ACACB: variants seen among roughly 807,000 people sequenced by gnomAD.
ACACB encodes the protein acetyl-CoA carboxylase beta, also known as acetyl-CoA carboxylase 2.
Under a neutral mutation model 278.8 loss-of-function variants are expected in ACACB, and 209 were observed. That is an observed-to-expected ratio of 0.75 (90% CI 0.67 to 0.84). ACACB has a LOEUF of 0.84. ACACB is among the 40% of genes least tolerant of loss of function. The pLI, the probability that ACACB is intolerant of heterozygous loss-of-function variation, is 0.00. For missense variants in ACACB, 2,850 were observed against 3,269.0 expected (o/e 0.87, Z 3.13); for synonymous variants, 1,174 against 1,285.6 (o/e 0.91, Z 1.86).
rs771079880 is a variant in ACACB at position 109,242,461 on chromosome 12, A to G, written c.5047A>G (p.Lys1683Glu). ...GNIMFHSFGNKQGPQHGMLIN... is the reference protein window; with the variant it reads ...GNIMFHSFGNEQGPQHGMLIN... The stretch of plus-strand genomic sequence containing the variant: ...GATCATGTTTCACTCCTTCGGCAAC[A>G]AGCAAGGGCCCCAGCACGGGATGCT... The change falls in exon 37 of 53, where the codon AAG becomes GAG. Residue 1683 changes from lysine (K) to glutamate (E), a missense_variant. By Grantham distance (56) the Lys-to-Glu change is moderately conservative. This residue lies in a region of ACACB where 2,265 missense variants were observed against 2,561.3 expected (regional missense o/e 0.88). Transcript: ENST00000338432. The G allele has an allele frequency of 5.6e-6, 9 of 1,613,918 alleles. 1 individual carries two copies. The South Asian group carries it at 8.8e-5, about 16-fold the overall frequency.
At chr12:109,260,385 G>A in intron 47 of ACACB, 95 bp from the exon 48 acceptor site, 1 of 1,487,138 alleles carries the variant, frequency 6.7e-7, no homozygotes, top group Non-Finnish European at 9.3e-7. Context: ...TCTCAGCTGG[G>A]CTCACTCTCC....
chr12:109,164,126 G>T (rs1202233320), intron 2 of ACACB, among the ~76,000 whole-genome samples: 1 of 152,154 alleles, frequency 6.6e-6, no homozygotes, highest in Admixed American at 6.5e-5. Context: ...TGAAAAAACA[G>T]GTCACCTACA....
Position 109,139,412 on chromosome 12 carries a change from T to A in ACACB, c.7T>A (p.Leu3Met), listed in dbSNP as rs1177717633. The A allele has an allele frequency of 1.2e-6, 2 of 1,612,028 alleles. No homozygotes were observed. Among genetic ancestry groups the A allele is most frequent in the Admixed American group, 1.7e-5 (1 of 59,562 alleles). MV[L>M]LLCLSCLIFS... ...CTCCTTACAGATTTTCTGAATGGTCTTGCTTCTTTGTCTATCTTGTCTGAT... is the reference window on the plus strand; with the variant it reads ...CTCCTTACAGATTTTCTGAATGGTCATGCTTCTTTGTCTATCTTGTCTGAT... The change falls in exon 2 of 53, where the codon TTG (leucine) becomes ATG (methionine). Residue 3 changes from leucine (L) to methionine (M), a missense_variant. Coordinates refer to ENST00000338432, the MANE Select transcript of ACACB (RefSeq NM_001093.4).
the ACACB span, chr12:109,111,414 T>A: frequency 2.6e-5 from 4 of 152,154 alleles, no homozygotes; most frequent in African/African-American, 9.7e-5. Context: ...AACTCGGAAG[T>A]GAGGCCAGGG....
intron 38 of ACACB, among the ~76,000 whole-genome samples, chr12:109,245,949 TGTG>T: frequency 6.6e-6 from 1 of 152,062 alleles, no homozygotes; most frequent in African/African-American, 2.4e-5. Flanking sequence ...ATTAGCTGTG[TGTG>T]GTGGTGTGCT....
At chr12:109,188,456 T>C (rs1290395255) in intron 13 of ACACB, among the ~76,000 whole-genome samples, 1 of 132,394 alleles carries the variant, frequency 7.6e-6, no homozygotes, top group East Asian at 2.6e-4. Flanking sequence ...CTTTCCTCCC[T>C]TCCTCCCTCC....
chr12:109,129,127 G>C (rs1391761452), intron 1 of ACACB, among the ~76,000 whole-genome samples: 1 of 151,992 alleles, frequency 6.6e-6, no homozygotes, highest in Non-Finnish European at 1.5e-5. Flanking sequence ...AAATAAAAAA[G>C]AATGGATACA....
intron 40 of ACACB, among the ~76,000 whole-genome samples, chr12:109,248,478 C>T (rs2136727193): frequency 6.6e-6 from 1 of 152,274 alleles, no homozygotes; most frequent in Admixed American, 6.5e-5. Context: ...GTGCAGCCTT[C>T]AGTGGCCAAA....
At chr12:109,121,035 G>A (rs552862560) in intron 1 of ACACB, among the ~76,000 whole-genome samples, 1 of 152,280 alleles carries the variant, frequency 6.6e-6, no homozygotes, top group African/African-American at 2.4e-5. Flanking sequence ...CACCTCCCAG[G>A]TTCAAGCGAT....
chr12:109,238,463 T>G (rs1240128319), intron 34 of ACACB, among the ~76,000 whole-genome samples: 3 of 101,058 alleles, frequency 3.0e-5, no homozygotes, highest in Non-Finnish European at 6.4e-5. Flanking sequence ...ATACATAATA[T>G]AATATATAAT....
chr12:109,199,477 G>A lies in ACACB; in HGVS notation c.2703G>A (p.Ser901=), dbSNP rs757647499. The stretch of plus-strand genomic sequence containing the variant: ...ATCCTACAGTCCTGAGATCCCCCTC[G>A]GCTGGGAAGCTGACACAGTACACAG... The part of the protein sequence containing the change: ...ENDPTVLRSP[S]AGKLTQYTVE... The change falls in exon 18 of 53, where the codon TCG becomes TCA. Residue 901 remains serine (S), a synonymous_variant. Coordinates refer to ENST00000338432, the MANE Select transcript of ACACB (RefSeq NM_001093.4). The A allele has an allele frequency of 1.7e-5, 26 of 1,570,836 alleles. No homozygotes were observed. The highest frequency in any genetic ancestry group is 7.3e-5 in the Admixed American group (4 of 54,708).
At chr12:109,245,230 T>G (rs185333170) in intron 37 of ACACB, among the ~76,000 whole-genome samples, 1 of 152,104 alleles carries the variant, frequency 6.6e-6, no homozygotes. Flanking sequence ...ACTCTTTATT[T>G]AAAGTTTGCA....
chr12:109,226,962 TTTAA>T (rs1237396159), intron 27 of ACACB, among the ~76,000 whole-genome samples: 1 of 152,128 alleles, frequency 6.6e-6, no homozygotes, highest in African/African-American at 2.4e-5. Flanking sequence ...TTTTTTTTTT[TTTAA>T]TTGAGGAAGG....
intron 22 of ACACB, among the ~76,000 whole-genome samples, chr12:109,214,278 G>C (rs1392233181): frequency 2.0e-5 from 3 of 151,942 alleles, no homozygotes; most frequent in Non-Finnish European, 2.9e-5. Flanking sequence ...AAAGAAAAAA[G>C]GAATCAAAGC....
chr12:109,212,768 T>C, intron 21 of ACACB, 68 bp from the exon 22 acceptor site: 1 of 1,391,416 alleles, frequency 7.2e-7, no homozygotes, highest in Non-Finnish European at 1.0e-6. Flanking sequence ...TGGGGACCCT[T>C]TCTTTAGGGG....
intron 2 of ACACB, among the ~76,000 whole-genome samples, chr12:109,149,278 T>C (rs558949964): frequency 1.3e-5 from 2 of 152,310 alleles, no homozygotes; most frequent in East Asian, 3.9e-4. Flanking sequence ...GGGTAGTTTA[T>C]GGATAACCTT....
intron 1 of ACACB, among the ~76,000 whole-genome samples, chr12:109,133,857 ATATATATTT>A (rs1222381186): frequency 2.2e-4 from 11 of 49,040 alleles, no homozygotes; most frequent in African/African-American, 1.1e-3. Context: ...ATATATATAT[ATATATATTT>A]TTTTTTTTTT....
chr12:109,179,499 T>C, intron 10 of ACACB: 1 of 629,596 alleles, frequency 1.6e-6, no homozygotes, highest in Non-Finnish European at 2.7e-6. Flanking sequence ...ATTTCTTTTC[T>C]TTTTTGAGAC....
chr12:109,153,365 G>A (rs1270205666), intron 2 of ACACB, among the ~76,000 whole-genome samples: 1 of 152,188 alleles, frequency 6.6e-6, no homozygotes, highest in Non-Finnish European at 1.5e-5. Flanking sequence ...TGCATAGAAT[G>A]CATAATGATT....
Sources: gnomAD v4.1 joint callset for allele counts (sites outside exome capture counted in the v4.1 genomes callset) on GRCh38, gnomAD v4.1.1 for gene constraint, gnomAD v4.1.1 regional missense constraint, MANE v1.5 for transcripts, NCBI Gene and HGNC (gene_info 2026-07-23, HGNC 2026-07-21) for gene names.